Variants in ADAMTSL1 observed in about 807,000 individuals in gnomAD.
ADAMTSL1 encodes the protein ADAMTS like 1, also known as ADAMTS-like protein 1.
ADAMTSL1 carries 126 observed loss-of-function variants against 201.8 expected under a neutral mutation model. The observed-to-expected ratio is 0.62, with a 90% CI of 0.54 to 0.72. The LOEUF (loss-of-function observed/expected upper bound fraction) is 0.72, where lower values mean the gene tolerates loss of function less well. Among genes scored for constraint, ADAMTSL1 ranks in the 30% least tolerant of loss-of-function variants. The probability of loss-of-function intolerance (pLI) is 0.00; values close to 1 mark genes in which losing one functional copy is unlikely to be tolerated. For missense variants in ADAMTSL1, 2,679 were observed against 2,277.8 expected, an observed-to-expected ratio of 1.18 and a Z score of -3.59; for synonymous variants, 1,121 against 903.4, an observed-to-expected ratio of 1.24 and a Z score of -4.32.
chr9:18,828,891 G>A (rs371843059), intron 22 of ADAMTSL1, among the ~76,000 whole-genome samples: 4 of 151,660 alleles, frequency 2.6e-5, no homozygotes, highest in Admixed American at 1.3e-4. Context: ...TGCCAGGCAC[G>A]TAGTAGGGCT....
chr9:18,551,903 T>C (rs1046486090), intron 3 of ADAMTSL1, among the ~76,000 whole-genome samples: 1 of 151,906 alleles, frequency 6.6e-6, no homozygotes, highest in Non-Finnish European at 1.5e-5. Context: ...TGAACTTCTC[T>C]GTAACTTTCT....
intron 5 of ADAMTSL1, among the ~76,000 whole-genome samples, chr9:18,631,626 A>G (rs1198018312): frequency 6.6e-6 from 1 of 152,196 alleles, no homozygotes; most frequent in Non-Finnish European, 1.5e-5. Context: ...CTTTCAAAAT[A>G]TTATCCTCAT....
chr9:18,395,826 G>A (rs771621676), intron 2 of ADAMTSL1, among the ~76,000 whole-genome samples: 5 of 152,138 alleles, frequency 3.3e-5, no homozygotes. Flanking sequence ...TGCTGGATGA[G>A]CACCATCCTA....
intron 1 of ADAMTSL1, among the ~76,000 whole-genome samples, chr9:18,101,041 A>G (rs1485569277): frequency 6.6e-6 from 1 of 152,040 alleles, no homozygotes; most frequent in Middle Eastern, 3.2e-3. Context: ...TTTGTTGTAT[A>G]TGTTGTCTGT....
In ADAMTSL1 at chr9:18,590,868, T is replaced by G. The variant is rs186307309; in HGVS notation, c.474+16602T>G. ...TTTTGAAAGTTATTGATTTCTAGTT[T>G]TATTTCATTGTGGTCAAAAAAGATA... On this transcript the variant is annotated intron_variant, in intron 4 of 28. Coordinates refer to ENST00000380548, the MANE Select transcript of ADAMTSL1 (RefSeq NM_001040272.6). 4.8e-4 allele frequency among the ~76,000 whole-genome samples: 73 copies of G among 152,308 alleles called. No homozygotes were observed. The East Asian group carries it at 0.013, about 28-fold the overall frequency.
intron 2 of ADAMTSL1, among the ~76,000 whole-genome samples, chr9:18,311,850 C>A (rs779772860): frequency 3.3e-5 from 5 of 152,266 alleles, no homozygotes; most frequent in Admixed American, 6.5e-5. Flanking sequence ...CTCCCTCCTT[C>A]TGCCCACAGT....
chr9:17,930,285 C>T (rs547929359), intron 1 of ADAMTSL1, among the ~76,000 whole-genome samples: 1 of 152,164 alleles, frequency 6.6e-6, no homozygotes, highest in Non-Finnish European at 1.5e-5. Flanking sequence ...CTTCCAAGGT[C>T]ACCCTGGTGC....
At chr9:18,640,962 T>C (rs144600209) in intron 7 of ADAMTSL1, among the ~76,000 whole-genome samples, 75 of 152,096 alleles carry the variant, frequency 4.9e-4, no homozygotes, top group African/African-American at 1.7e-3. Context: ...CTTCACTCAT[T>C]GCCTCTAGGT....
At chr9:18,546,289 G>A (rs932880125) in intron 3 of ADAMTSL1, among the ~76,000 whole-genome samples, 2 of 152,038 alleles carry the variant, frequency 1.3e-5, no homozygotes, top group Non-Finnish European at 2.9e-5. Flanking sequence ...CAGTGGGAAG[G>A]CTAAAGAGGC....
intron 1 of ADAMTSL1, among the ~76,000 whole-genome samples, chr9:18,003,119 G>T (rs1450154391): frequency 1.3e-5 from 2 of 151,964 alleles, no homozygotes; most frequent in Non-Finnish European, 1.5e-5. Flanking sequence ...GGGAGCAGAG[G>T]CTGTGGGTAG....
At chr9:18,727,895 C>T (rs1421107173) in intron 15 of ADAMTSL1, among the ~76,000 whole-genome samples, 3 of 151,986 alleles carry the variant, frequency 2.0e-5, no homozygotes, top group Admixed American at 6.6e-5. Flanking sequence ...GCCTGGCCAA[C>T]GTGGCAAAAA....
Position 17,972,860 on chromosome 9 carries a change from C to G in ADAMTSL1, c.87+65938C>G, listed in dbSNP as rs1036927874. On this transcript the variant is annotated intron_variant, in intron 1 of 29. Coordinates refer to the ADAMTSL1 transcript ENST00000680146. ...GACTTTTTAATGATCACCATTCTAACTGGTGTGAGATGGTATCTCATTGTG... is the reference window on the plus strand; with the variant it reads ...GACTTTTTAATGATCACCATTCTAAGTGGTGTGAGATGGTATCTCATTGTG... 4.1e-3 allele frequency among the ~76,000 whole-genome samples: 594 copies of G among 143,962 alleles called. 3 individuals carry two copies. The highest frequency in any genetic ancestry group is 0.015 in the African/African-American group (575 of 38,924). 94.4% of individuals were successfully genotyped at this position (143,962 alleles called of 152,430 possible).
chr9:18,439,515 C>T (rs10963608), intron 2 of ADAMTSL1, among the ~76,000 whole-genome samples: 46 of 152,004 alleles, frequency 3.0e-4, no homozygotes, highest in South Asian at 1.0e-3. Flanking sequence ...TACAGGTGCG[C>T]GCCACCACAC....
intron 2 of ADAMTSL1, among the ~76,000 whole-genome samples, chr9:18,346,346 G>C (rs930903060): frequency 1.3e-5 from 2 of 152,076 alleles, no homozygotes; most frequent in Admixed American, 1.3e-4. Context: ...TCTCAGAGCA[G>C]GGTTGGATGG....
intron 2 of ADAMTSL1, among the ~76,000 whole-genome samples, chr9:18,299,698 G>A (rs1247921198): frequency 6.6e-6 from 1 of 152,198 alleles, no homozygotes; most frequent in Non-Finnish European, 1.5e-5. Context: ...GGAGAGCCTG[G>A]GCGAGAGTCT....
chr9:18,376,520 T>G (rs1021681270), intron 2 of ADAMTSL1, among the ~76,000 whole-genome samples: 1 of 152,012 alleles, frequency 6.6e-6, no homozygotes, highest in Non-Finnish European at 1.5e-5. Context: ...ATAAAAGACT[T>G]AGGGCCCGGG....
chr9:17,986,765 T>C (rs1262913612), intron 1 of ADAMTSL1, among the ~76,000 whole-genome samples: 1 of 152,096 alleles, frequency 6.6e-6, no homozygotes, highest in African/African-American at 2.4e-5. Flanking sequence ...GTGTATGCAG[T>C]ACTAGTATTT....
chr9:17,988,886 T>G (rs1021570881), intron 1 of ADAMTSL1, among the ~76,000 whole-genome samples: 5 of 151,988 alleles, frequency 3.3e-5, no homozygotes, highest in African/African-American at 1.2e-4. Context: ...TTTTTCATTA[T>G]TGCCCCCTAA....
intron 1 of ADAMTSL1, among the ~76,000 whole-genome samples, chr9:18,109,073 G>A (rs73645716): frequency 0.047 from 7,144 of 152,212 alleles, 500 homozygotes; most frequent in African/African-American, 0.15. Flanking sequence ...TATCATAAAA[G>A]ACTCTTCTCA....
Sources: allele counts gnomAD v4.1 joint callset (sites outside exome capture counted in the v4.1 genomes callset), GRCh38; gene constraint gnomAD v4.1.1; transcripts MANE v1.5; gene names NCBI Gene and HGNC (gene_info 2026-07-23, HGNC 2026-07-21).